The following STXBP5L variants were observed in gnomAD, a reference collection of about 807,000 sequenced individuals.
The protein encoded by STXBP5L is syntaxin-binding protein 5-like.
In STXBP5L, 65 loss-of-function variants were observed where a neutral mutation model predicts 144.5. The ratio of observed to expected loss-of-function variants is 0.45; its 90% CI spans 0.37 to 0.55. STXBP5L has a LOEUF of 0.55. STXBP5L is among the 20% of genes least tolerant of loss of function. The probability of loss-of-function intolerance (pLI) is 0.00; values close to 1 mark genes in which losing one functional copy is unlikely to be tolerated. For missense variants in STXBP5L, 1,298 were observed against 1,405.5 expected (o/e 0.92, Z 1.22); for synonymous variants, 505 against 469.6 (o/e 1.08, Z -0.97).
At chr3:121,365,898 A>G (rs11923679) in intron 20 of STXBP5L, among the ~76,000 whole-genome samples, 18,203 of 151,608 alleles carry the variant, frequency 0.12, 1,149 homozygotes, top group Non-Finnish European at 0.14. Flanking sequence ...ATAAGTATTT[A>G]TAGCTACAAA....
At chr3:121,309,241 T>A (rs549014452) in intron 19 of STXBP5L, among the ~76,000 whole-genome samples, 107 of 152,200 alleles carry the variant, frequency 7.0e-4, no homozygotes, top group African/African-American at 2.5e-3. Flanking sequence ...AAGATCTGCC[T>A]ATATGCTGTT....
In STXBP5L at chr3:120,972,173, C is replaced by A. The variant is rs1313878462; in HGVS notation, c.287+17136C>A. 2.6e-5 allele frequency among the ~76,000 whole-genome samples: 4 copies of A among 151,984 alleles called. No individual in the cohort carries two copies. In the East Asian group the frequency reaches 7.7e-4, roughly 29 times the overall value. ...TGTACATTGATTTGGGCAGTATGGT[C>A]ATTTTAATGATATTGATTCTTCCAA... On this transcript the variant is annotated intron_variant, in intron 3 of 26. Coordinates refer to ENST00000471454, the MANE Select transcript of STXBP5L (RefSeq NM_001308330.2).
intron 3 of STXBP5L, among the ~76,000 whole-genome samples, chr3:121,040,114 G>T (rs558197256): frequency 1.3e-5 from 2 of 151,878 alleles, no homozygotes; most frequent in Admixed American, 6.6e-5. Context: ...TCTTTCTATT[G>T]ATATTTCTCC....
At position 120,997,550 on chromosome 3, in the gene STXBP5L, C is replaced by T. The variant is rs555379137; in HGVS notation, c.287+42513C>T. On this transcript the variant is annotated intron_variant, in intron 3 of 26. Coordinates refer to ENST00000471454, the MANE Select transcript of STXBP5L (RefSeq NM_001308330.2). ...TCTAATGATTGAACATTTTTTCATA[C>T]GCTTGTTGGCCATGTGTATGTCTTC... is the stretch of plus-strand genomic sequence containing the variant. Among the ~76,000 whole-genome samples, 10 of 152,140 alleles carry T rather than the reference C, an allele frequency of 6.6e-5. No individual in the cohort carries two copies. The East Asian group carries it at 7.7e-4, about 12-fold the overall frequency.
At chr3:120,975,349 G>A (rs569358577) in intron 3 of STXBP5L, among the ~76,000 whole-genome samples, 1 of 152,236 alleles carries the variant, frequency 6.6e-6, no homozygotes, top group Non-Finnish European at 1.5e-5. Context: ...TTGTTTGTCT[G>A]TTATTGGTGT....
At chr3:121,363,444 G>A (rs1472990659) in intron 20 of STXBP5L, among the ~76,000 whole-genome samples, 1 of 152,206 alleles carries the variant, frequency 6.6e-6, no homozygotes, top group Admixed American at 6.5e-5. Flanking sequence ...GGGATTGGCA[G>A]TTCCCCTCTG....
chr3:121,204,903 A>G lies in STXBP5L; in HGVS notation c.878-1020A>G, dbSNP rs1463398829. ...ATTCAAAATCTTAGGGAGTCTAAACAGAATAACCCATCCCCTATAAGAAAT... is the reference window on the plus strand; with the variant it reads ...ATTCAAAATCTTAGGGAGTCTAAACGGAATAACCCATCCCCTATAAGAAAT... On this transcript the variant is annotated intron_variant, in intron 9 of 26. Coordinates refer to ENST00000471454, the MANE Select transcript of STXBP5L (RefSeq NM_001308330.2). 2.0e-5 allele frequency among the ~76,000 whole-genome samples: 3 copies of G among 152,208 alleles called. No homozygotes were observed. In the East Asian group the frequency reaches 5.8e-4, roughly 29 times the overall value.
At chr3:121,107,291 G>A (rs9877593) in intron 5 of STXBP5L, among the ~76,000 whole-genome samples, 15,113 of 151,946 alleles carry the variant, frequency 0.099, 1,188 homozygotes, top group Admixed American at 0.2. Flanking sequence ...ATCTTTGCCC[G>A]TGCCTATGTC....
intron 19 of STXBP5L, among the ~76,000 whole-genome samples, chr3:121,295,205 G>GA (rs1298746052): frequency 1.3e-5 from 2 of 151,874 alleles, no homozygotes; most frequent in Non-Finnish European, 2.9e-5. Flanking sequence ...ATAACTAAAG[G>GA]AAAAAAATTC....
rs574867617 is a variant in STXBP5L at position 121,292,457 on chromosome 3, C to T, written c.2110+12501C>T. 2.6e-5 allele frequency among the ~76,000 whole-genome samples: 4 copies of T among 152,242 alleles called. No individual in the cohort carries two copies. In the South Asian group the frequency reaches 8.3e-4, roughly 32 times the overall value. ...CTGCTGGTAGGAATGTAAACTACTA[C>T]AACTACTATGGAAAACAGTATGAAG... On this transcript the variant is annotated intron_variant, in intron 19 of 26. Coordinates refer to ENST00000471454, the MANE Select transcript of STXBP5L (RefSeq NM_001308330.2).
intron 3 of STXBP5L, among the ~76,000 whole-genome samples, chr3:120,989,526 G>A (rs577500084): frequency 6.6e-6 from 1 of 152,074 alleles, no homozygotes; most frequent in Admixed American, 6.6e-5. Context: ...TGTAGATTCT[G>A]CATGTGACTT....
intron 11 of STXBP5L, among the ~76,000 whole-genome samples, chr3:121,231,222 A>G (rs1251380793): frequency 6.6e-6 from 1 of 152,070 alleles, no homozygotes; most frequent in African/African-American, 2.4e-5. Flanking sequence ...TGTTTTTCCT[A>G]GCATGCTCCA....
At position 120,982,773 on chromosome 3, in the gene STXBP5L, C is replaced by T. The variant is rs1011239899; in HGVS notation, c.287+27736C>T. ...CTGGTTGGGTTGGCCTGACTTAGAC[C>T]CTGGACTGATCAGGTGCCAGTTGTG... On this transcript the variant is annotated intron_variant, in intron 3 of 26. Transcript: ENST00000471454. Among the ~76,000 whole-genome samples the T allele has an allele frequency of 3.3e-5, 5 of 152,224 alleles. No individual in the cohort carries two copies. In the South Asian group the frequency reaches 6.2e-4, roughly 19 times the overall value.
rs190443556 is a variant in STXBP5L at position 120,980,175 on chromosome 3, A to G, written c.287+25138A>G. Among the ~76,000 whole-genome samples the G allele has an allele frequency of 1.8e-3, 279 of 152,336 alleles. 3 individuals are homozygous for G. Among genetic ancestry groups the G allele is most frequent in the Middle Eastern group, 0.017 (5 of 294 alleles). ...TTGGGGGATGTTTCATGTGCAGAAC[A>G]GGAGAATATATATTGTGTGGTTGTT... is the stretch of plus-strand genomic sequence containing the variant. On this transcript the variant is annotated intron_variant, in intron 3 of 26. Coordinates refer to ENST00000471454, the MANE Select transcript of STXBP5L (RefSeq NM_001308330.2).
chr3:121,366,640 A>G (rs1365625042), intron 20 of STXBP5L, among the ~76,000 whole-genome samples: 1 of 152,084 alleles, frequency 6.6e-6, no homozygotes, highest in Non-Finnish European at 1.5e-5. Context: ...CTCTGTATCA[A>G]AAGTGAGTCT....
chr3:121,404,456 T>C (rs746397401), intron 22 of STXBP5L, among the ~76,000 whole-genome samples: 35 of 152,140 alleles, frequency 2.3e-4, no homozygotes, highest in Non-Finnish European at 7.4e-5. Flanking sequence ...GGAGGTAGGG[T>C]GATTCTGTTA....
chr3:121,260,358 GTTTGC>G (rs1230647741), intron 18 of STXBP5L, among the ~76,000 whole-genome samples: 12 of 151,856 alleles, frequency 7.9e-5, no homozygotes, highest in Non-Finnish European at 5.9e-5. Flanking sequence ...CCCTGCTTTT[GTTTGC>G]TTTATGACTT....
chr3:121,002,179 C>A (rs1384894634), intron 3 of STXBP5L, among the ~76,000 whole-genome samples: 1 of 152,054 alleles, frequency 6.6e-6, no homozygotes, highest in Non-Finnish European at 1.5e-5. Flanking sequence ...TAATAGTGTA[C>A]AGTTGTTTCT....
intron 2 of STXBP5L, among the ~76,000 whole-genome samples, chr3:120,920,672 G>C (rs1709319302): frequency 6.6e-6 from 1 of 151,488 alleles, no homozygotes; most frequent in African/African-American, 2.4e-5. Flanking sequence ...CCAGGCCTCT[G>C]GCAAACAATA....
Sources: allele counts gnomAD v4.1 joint callset (sites outside exome capture counted in the v4.1 genomes callset), GRCh38; gene constraint gnomAD v4.1.1; transcripts MANE v1.5; gene names NCBI Gene and HGNC (gene_info 2026-07-23, HGNC 2026-07-21).